Variants in NEK1 observed in about 807,000 individuals in gnomAD.
NEK1 encodes NIMA related kinase 1, also known as serine/threonine-protein kinase Nek1.
A neutral mutation model predicts 182.1 loss-of-function variants in NEK1; 137 were observed. The ratio of observed to expected loss-of-function variants is 0.75; its 90% CI spans 0.65 to 0.87. The LOEUF (loss-of-function observed/expected upper bound fraction) is 0.87. NEK1 is among the 40% of genes least tolerant of loss of function. The pLI is 0.00. For synonymous variants in NEK1, 513 were observed against 492.2 expected (o/e 1.04, Z -0.56); for missense variants, 1,391 against 1,494.4 (o/e 0.93, Z 1.14).
chr4:169,570,206 C>T (rs1298046051), intron 12 of NEK1, among the ~76,000 whole-genome samples: 2 of 150,092 alleles, frequency 1.3e-5, no homozygotes, highest in Admixed American at 1.3e-4. Context: ...AGGTGAGGAG[C>T]GTCTCTGCCT....
intron 26 of NEK1, among the ~76,000 whole-genome samples, chr4:169,470,538 G>T (rs1482549795): frequency 6.6e-6 from 1 of 152,102 alleles, no homozygotes; most frequent in Non-Finnish European, 1.5e-5. Flanking sequence ...CTTTCTCTTT[G>T]GCTGCCCTTA....
At position 169,418,304 on chromosome 4, in the gene NEK1, A is replaced by C. The variant is rs72691043; in HGVS notation, c.3222+6249T>G. Among the ~76,000 whole-genome samples, 608 of 152,346 alleles carry C rather than the reference A, an allele frequency of 4.0e-3. 5 individuals carry two copies. The highest frequency in any genetic ancestry group is 0.03 in the South Asian group (143 of 4,828). ...TCCACAAGTAACTTGACTAACTTAA[A>C]CCCAATACTCTTTACAGGAAGATAG... On this transcript the variant is annotated intron_variant, in intron 31 of 35. Transcript: ENST00000507142.
At chr4:169,450,143 G>C (rs536501682) in intron 27 of NEK1, among the ~76,000 whole-genome samples, 2 of 152,132 alleles carry the variant, frequency 1.3e-5, no homozygotes, top group African/African-American at 2.4e-5. Flanking sequence ...AGAGTAAAAA[G>C]AAACGAACAA....
At position 169,477,230 on chromosome 4, in the gene NEK1, T is replaced by C. The variant is rs2149549146; in HGVS notation, c.2328A>G (p.Glu776=). 2 of 1,604,192 alleles carry C rather than the reference T, an allele frequency of 1.2e-6. No individual in the cohort carries two copies. The highest frequency in any genetic ancestry group is 8.5e-7 in the Non-Finnish European group (1 of 1,174,444). ...INVHEDAKEH[E]KEKSVSSDRK... is the part of the protein sequence containing the mutation. ...GATCAGATGAAACTGATTTTTCTTTTTCATGCTCTTTGGCATCTTCATGAA... is the reference window on the plus strand; with the variant it reads ...GATCAGATGAAACTGATTTTTCTTTCTCATGCTCTTTGGCATCTTCATGAA... Residue 776 remains glutamate, a synonymous_variant, in exon 26 of 36, where the codon GAA becomes GAG. Transcript: ENST00000507142.
intron 13 of NEK1, 81 bp downstream of exon 13, chr4:169,562,056 G>A: frequency 8.3e-7 from 1 of 1,201,694 alleles, no homozygotes; most frequent in Non-Finnish European, 1.2e-6. Flanking sequence ...GAAAGGTTTG[G>A]AGGCTTTATA....
chr4:169,542,140 A>G (rs1404085256), intron 18 of NEK1, among the ~76,000 whole-genome samples: 1 of 152,086 alleles, frequency 6.6e-6, no homozygotes, highest in Non-Finnish European at 1.5e-5. Context: ...CATCTACATT[A>G]GGTGTTTCTC....
chr4:169,590,626 T>C lies in NEK1; in HGVS notation c.396+100A>G, dbSNP rs1768308415. The stretch of plus-strand genomic sequence containing the variant: ...AAAAAGGAAGAGACAAGACAGATAA[T>C]CTGATGCACACTAAATCAGGTTCAA... On this transcript the variant is annotated intron_variant, in intron 6 of 35. Coordinates refer to ENST00000507142, the MANE Select transcript of NEK1 (RefSeq NM_001199397.3). 3 of 670,430 alleles carry C rather than the reference T, an allele frequency of 4.5e-6. No individual in the cohort carries two copies. The South Asian group carries it at 6.1e-5, about 14-fold the overall frequency. The allele number at this position is 670,430 out of a possible 1,614,324, so 41.5% of individuals were successfully genotyped here.
intron 18 of NEK1, among the ~76,000 whole-genome samples, chr4:169,544,688 G>C (rs1385675047): frequency 8.3e-6 from 1 of 119,826 alleles, no homozygotes; most frequent in African/African-American, 3.3e-5. Context: ...TCAGGGATTT[G>C]ACTTCTTCCT....
chr4:169,589,187 G>T (rs993624690), intron 7 of NEK1, among the ~76,000 whole-genome samples: 6 of 152,118 alleles, frequency 3.9e-5, no homozygotes, highest in Non-Finnish European at 7.4e-5. Flanking sequence ...GTACCGGTTT[G>T]TAGCCCAGAA....
chr4:169,586,293 T>A (rs950588739), intron 9 of NEK1, among the ~76,000 whole-genome samples: 1 of 152,030 alleles, frequency 6.6e-6, no homozygotes, highest in Non-Finnish European at 1.5e-5. Flanking sequence ...AAATGTACTA[T>A]AAATTAGGCA....
intron 26 of NEK1, 26 bp downstream of exon 26, chr4:169,477,098 G>T: frequency 1.3e-6 from 2 of 1,483,392 alleles, no homozygotes; most frequent in East Asian, 4.8e-5. Context: ...GACCTAAATA[G>T]GATATTAATA....
intron 9 of NEK1, among the ~76,000 whole-genome samples, chr4:169,586,500 A>G (rs1018878486): frequency 1.3e-5 from 2 of 152,092 alleles, no homozygotes; most frequent in Non-Finnish European, 2.9e-5. Flanking sequence ...AATTTCATGT[A>G]TCTTAAGACA....
intron 27 of NEK1, among the ~76,000 whole-genome samples, chr4:169,457,389 A>C (rs957048302): frequency 2.6e-5 from 4 of 151,784 alleles, no homozygotes; most frequent in Admixed American, 1.3e-4. Flanking sequence ...AGAGCAATTG[A>C]CTGAGAGGAA....
At chr4:169,449,301 A>C (rs1171073822) in intron 27 of NEK1, among the ~76,000 whole-genome samples, 1 of 152,230 alleles carries the variant, frequency 6.6e-6, no homozygotes, top group African/African-American at 2.4e-5. Flanking sequence ...TGAAGAGAGC[A>C]GTGGTTCTCC....
At chr4:169,414,236 G>A (rs1258081548) in intron 31 of NEK1, among the ~76,000 whole-genome samples, 2 of 151,728 alleles carry the variant, frequency 1.3e-5, no homozygotes, top group Non-Finnish European at 2.9e-5. Context: ...GAATCTATTT[G>A]CTTAAATTTT....
chr4:169,511,679 ATCT>A (rs1754214366), intron 19 of NEK1, among the ~76,000 whole-genome samples: 1 of 152,010 alleles, frequency 6.6e-6, no homozygotes, highest in South Asian at 2.1e-4. Context: ...TGTGCCGTGC[ATCT>A]ACACAATTTT....
Position 169,479,474 on chromosome 4 carries a change from C to T in NEK1, c.2068G>A (p.Gly690Ser), listed in dbSNP as rs754295018. ...VSPPLGQHET[G>S]GSPSKQQMRS... ...ATCTGTTGCTTTGATGGAGAGCCAC[C>T]TGTTTCATGCTGTCCCAAAGGTGGA... Residue 690 changes from glycine to serine, a missense_variant, in exon 24 of 36, where the codon GGT becomes AGT. This residue lies in a region of NEK1 where 1,216 missense variants were observed against 1,277.6 expected (regional missense o/e 0.95). Transcript: ENST00000507142. 21 of 1,611,590 alleles carry T rather than the reference C, an allele frequency of 1.3e-5. No individual in the cohort carries two copies. In the Admixed American group the frequency reaches 3.5e-4, roughly 27 times the overall value.
chr4:169,561,375 G>T, intron 16 of NEK1, 105 bp downstream of exon 16: 1 of 938,694 alleles, frequency 1.1e-6, no homozygotes, highest in Non-Finnish European at 1.7e-6. Flanking sequence ...AAAATTAATT[G>T]TACACTAAAG....
intron 23 of NEK1, among the ~76,000 whole-genome samples, chr4:169,497,015 C>G (rs1751446158): frequency 1.3e-5 from 2 of 152,100 alleles, no homozygotes; most frequent in South Asian, 4.2e-4. Context: ...TAGAATTCGG[C>G]TGTGAATCCA....
Sources: gnomAD v4.1 joint callset for allele counts (sites outside exome capture counted in the v4.1 genomes callset) on GRCh38, gnomAD v4.1.1 for gene constraint, gnomAD v4.1.1 regional missense constraint, MANE v1.5 for transcripts, NCBI Gene and HGNC (gene_info 2026-07-23, HGNC 2026-07-21) for gene names.